The following SPATA16 variants were observed in gnomAD, a reference collection of about 807,000 sequenced individuals.
SPATA16 encodes the protein spermatogenesis-associated protein 16.
SPATA16 carries 36 observed loss-of-function variants against 63.3 expected under a neutral mutation model. That is an observed-to-expected ratio of 0.57 (90% CI 0.44 to 0.75). SPATA16 has a LOEUF of 0.75. Ranked by LOEUF, SPATA16 falls within the 30% of genes least tolerant of loss-of-function variation. The pLI is 0.00. For synonymous variants in SPATA16, 203 were observed against 216.7 expected (o/e 0.94, Z 0.56); for missense variants, 646 against 679.3 (o/e 0.95, Z 0.54).
chr3:172,977,303 T>C (rs759085438), intron 4 of SPATA16, among the ~76,000 whole-genome samples: 4 of 152,146 alleles, frequency 2.6e-5, no homozygotes, highest in Non-Finnish European at 5.9e-5. Context: ...TTTTTAAATT[T>C]GTACAGTATA....
intron 2 of SPATA16, among the ~76,000 whole-genome samples, chr3:173,116,774 C>T (rs1737910645): frequency 6.6e-6 from 1 of 152,126 alleles, no homozygotes; most frequent in Admixed American, 6.5e-5. Flanking sequence ...ATATTCTACC[C>T]ACCACCATTG....
At chr3:173,076,621 C>A (rs936973561) in intron 2 of SPATA16, among the ~76,000 whole-genome samples, 2 of 151,586 alleles carry the variant, frequency 1.3e-5, no homozygotes, top group African/African-American at 4.9e-5. Context: ...TTTATAGCCA[C>A]TCAGGGATAA....
At chr3:172,898,555 G>C (rs1732056281) in intron 10 of SPATA16, among the ~76,000 whole-genome samples, 3 of 151,350 alleles carry the variant, frequency 2.0e-5, no homozygotes, top group African/African-American at 7.3e-5. Flanking sequence ...CATCTGTAGT[G>C]ATGTTCCATT....
At chr3:173,012,581 C>G (rs970107901) in intron 4 of SPATA16, among the ~76,000 whole-genome samples, 2 of 152,154 alleles carry the variant, frequency 1.3e-5, no homozygotes, top group Admixed American at 6.5e-5. Context: ...AAAACACACA[C>G]AGAGACCTAC....
rs1732882724 is a variant in SPATA16 at position 172,931,996 on chromosome 3, T to A, written c.1082-6504A>T. Among the ~76,000 whole-genome samples the A allele has an allele frequency of 2.0e-5, 3 of 152,134 alleles. No individual in the cohort carries two copies. In the South Asian group the frequency reaches 6.2e-4, roughly 31 times the overall value. ...GGAGAGTTTGGCTTAGTGCAACCAA[T>A]GGCAGCATCAGAAAAACATCTGCAA... On this transcript the variant is annotated intron_variant, in intron 6 of 10. Coordinates refer to ENST00000351008, the MANE Select transcript of SPATA16 (RefSeq NM_031955.6).
chr3:173,002,874 G>T (rs1734856470), intron 4 of SPATA16, among the ~76,000 whole-genome samples: 1 of 152,162 alleles, frequency 6.6e-6, no homozygotes, highest in South Asian at 2.1e-4. Flanking sequence ...AAACTTGATA[G>T]CAGATTCCTA....
intron 2 of SPATA16, among the ~76,000 whole-genome samples, chr3:173,092,633 C>T (rs1047375800): frequency 9.9e-5 from 15 of 152,044 alleles, no homozygotes; most frequent in African/African-American, 1.9e-4. Context: ...AGCCAAAACC[C>T]AGATTCTCCC....
chr3:172,991,404 T>A (rs1244179647), intron 4 of SPATA16, among the ~76,000 whole-genome samples: 2 of 152,190 alleles, frequency 1.3e-5, no homozygotes, highest in Non-Finnish European at 2.9e-5. Context: ...TAGGCTGCAA[T>A]AAATTCTTAC....
chr3:172,918,167 A>G (rs1732537520), intron 8 of SPATA16, among the ~76,000 whole-genome samples: 1 of 152,242 alleles, frequency 6.6e-6, no homozygotes, highest in Non-Finnish European at 1.5e-5. Flanking sequence ...GCATTCTGTC[A>G]AATAGAGGAA....
chr3:172,953,362 C>T (rs966638333), intron 6 of SPATA16, among the ~76,000 whole-genome samples: 3 of 152,068 alleles, frequency 2.0e-5, no homozygotes, highest in African/African-American at 7.2e-5. Context: ...AGTAACATAG[C>T]CAGTTGAAGA....
intron 5 of SPATA16, among the ~76,000 whole-genome samples, chr3:172,963,134 G>T (rs956437719): frequency 1.8e-4 from 27 of 152,098 alleles, no homozygotes; most frequent in Admixed American, 1.6e-3. Flanking sequence ...CTGCTGCAAT[G>T]ATCAACATTT....
intron 4 of SPATA16, among the ~76,000 whole-genome samples, chr3:172,993,594 T>C (rs761390544): frequency 6.6e-6 from 1 of 152,132 alleles, no homozygotes; most frequent in African/African-American, 2.4e-5. Context: ...AATCCTTGAG[T>C]GACAGCTTCT....
intron 1 of SPATA16, among the ~76,000 whole-genome samples, chr3:173,138,900 A>T (rs73032640): frequency 0.021 from 3,184 of 152,326 alleles, 99 homozygotes; most frequent in African/African-American, 0.072. Context: ...GTGTACATAA[A>T]TGTATATCAC....
chr3:172,916,951 C>T (rs530580662), intron 8 of SPATA16, among the ~76,000 whole-genome samples: 57 of 152,110 alleles, frequency 3.7e-4, no homozygotes, highest in Non-Finnish European at 6.9e-4. Context: ...TTCTGTTTAC[C>T]CCAATAGCTT....
intron 1 of SPATA16, among the ~76,000 whole-genome samples, chr3:173,139,314 A>C (rs1206192801): frequency 6.6e-6 from 1 of 152,204 alleles, no homozygotes; most frequent in African/African-American, 2.4e-5. Flanking sequence ...ATTTAGCTAG[A>C]GCTATGATAA....
chr3:172,934,980 C>A (rs1732947553), intron 6 of SPATA16, among the ~76,000 whole-genome samples: 1 of 151,972 alleles, frequency 6.6e-6, no homozygotes, highest in Admixed American at 6.6e-5. Context: ...GGCTTTGGAA[C>A]TTTAGGACAA....
intron 4 of SPATA16, among the ~76,000 whole-genome samples, chr3:173,013,916 A>G (rs1239002421): frequency 1.3e-5 from 2 of 152,232 alleles, no homozygotes; most frequent in African/African-American, 2.4e-5. Flanking sequence ...TAGTATTATC[A>G]AGACTTTTCC....
At chr3:172,916,940 A>G (rs954438175) in intron 8 of SPATA16, among the ~76,000 whole-genome samples, 28 of 152,234 alleles carry the variant, frequency 1.8e-4, no homozygotes, top group African/African-American at 6.8e-4. Flanking sequence ...TATAAGTTGA[A>G]TTCTGTTTAC....
At position 173,048,991 on chromosome 3, in the gene SPATA16, A is replaced by T; in HGVS notation, c.716T>A (p.Leu239Gln). 6.2e-7 allele frequency: 1 copy of T among 1,613,888 alleles called. No homozygotes were observed. The highest frequency in any genetic ancestry group is 1.6e-4 in the Middle Eastern group (1 of 6,062). The change falls in exon 3 of 11, where the codon CTA (leucine) becomes CAA (glutamine). Residue 239 changes from leucine to glutamine, a missense_variant. Coordinates refer to ENST00000351008, the MANE Select transcript of SPATA16 (RefSeq NM_031955.6). ...FIETKLVTCY[L>Q]RMRKPDLALN... ...GGCAAGATCTGGTTTCCTCATCCGT[A>T]GATAACAGGTAACAAGCTTTGTCTC...
Sources: allele counts gnomAD v4.1 joint callset (sites outside exome capture counted in the v4.1 genomes callset), GRCh38; gene constraint gnomAD v4.1.1; transcripts MANE v1.5; gene names NCBI Gene and HGNC (gene_info 2026-07-23, HGNC 2026-07-21).